MAP3K5: variants seen among roughly 807,000 people sequenced by gnomAD.
The protein encoded by MAP3K5 is ASK-1.
A neutral mutation model predicts 158.7 loss-of-function variants in MAP3K5; 56 were observed. That is an observed-to-expected ratio of 0.35 (90% confidence interval 0.28 to 0.44). The LOEUF (loss-of-function observed/expected upper bound fraction) is 0.44. Ranked by LOEUF, MAP3K5 falls within the 20% of genes least tolerant of loss-of-function variation. MAP3K5 has a pLI of 1.00. For missense variants in MAP3K5, 1,294 were observed against 1,674.8 expected (o/e 0.77, Z 3.97); for synonymous variants, 579 against 601.7 (o/e 0.96, Z 0.55).
intron 14 of MAP3K5, chr6:136,629,375 TAACATTA>T (rs1200401537): frequency 6.6e-6 from 1 of 152,136 alleles, no homozygotes; most frequent in Non-Finnish European, 1.5e-5. Context: ...TAACTACTAA[TAACATTA>T]ATAGAATGCC....
At chr6:136,573,607 G>A (rs1774466520) in intron 25 of MAP3K5, among the ~76,000 whole-genome samples, 1 of 152,188 alleles carries the variant, frequency 6.6e-6, no homozygotes, top group Non-Finnish European at 1.5e-5. Context: ...GATTCATGGA[G>A]GCTGAAGGGC....
chr6:136,749,170 C>G (rs1381050042), intron 1 of MAP3K5, among the ~76,000 whole-genome samples: 1 of 151,970 alleles, frequency 6.6e-6, no homozygotes, highest in Admixed American at 6.6e-5. Context: ...GTCAGGAGTT[C>G]GAGACCAGCC....
At chr6:136,756,213 G>A (rs1783473875) in intron 1 of MAP3K5, among the ~76,000 whole-genome samples, 1 of 151,988 alleles carries the variant, frequency 6.6e-6, no homozygotes. Flanking sequence ...AGCTACTGGA[G>A]AGACTGAGGT....
chr6:136,772,543 T>C (rs1033312945), intron 1 of MAP3K5, among the ~76,000 whole-genome samples: 1 of 152,066 alleles, frequency 6.6e-6, no homozygotes, highest in Non-Finnish European at 1.5e-5. Context: ...GCACATACAG[T>C]AGTGAGACAA....
At chr6:136,566,324 T>C (rs1322647364) in intron 26 of MAP3K5, among the ~76,000 whole-genome samples, 2 of 152,214 alleles carry the variant, frequency 1.3e-5, no homozygotes, top group African/African-American at 4.8e-5. Context: ...ACTATCTGCG[T>C]AATTCTAACC....
chr6:136,739,274 T>C (rs188951784), intron 1 of MAP3K5, among the ~76,000 whole-genome samples: 1 of 152,314 alleles, frequency 6.6e-6, no homozygotes, highest in Non-Finnish European at 1.5e-5. Context: ...GGGGTGTAGC[T>C]GGCTGGTGTC....
chr6:136,719,945 A>G (rs926205721), intron 2 of MAP3K5, among the ~76,000 whole-genome samples: 20 of 152,216 alleles, frequency 1.3e-4, no homozygotes, highest in Non-Finnish European at 2.9e-4. Context: ...ACATCGAGAC[A>G]GGTTGAATTT....
Position 136,567,805 on chromosome 6 carries a change from T to A in MAP3K5, c.3587A>T (p.Asp1196Val), listed in dbSNP as rs771626007. The change falls in exon 26 of 30, where the codon GAT becomes GTT. Residue 1196 changes from aspartate to valine, a missense_variant. This residue lies in a region of MAP3K5 where 199 missense variants were observed against 220.3 expected (regional missense o/e 0.90). Transcript: ENST00000359015. ...ATTTGAAGGCTGTTCCTCATGGTCA[T>A]CTTCTACATCCAAGTCTTCTTGATC... ...TADQEDLDVE[D>V]DHEEQPSNQT... 2.5e-6 allele frequency: 4 copies of A among 1,614,098 alleles called. No homozygotes were observed. Among genetic ancestry groups the A allele is most frequent in the Admixed American group, 3.3e-5 (2 of 59,996 alleles).
chr6:136,656,240 T>C (rs1353241395), intron 10 of MAP3K5, 67 bp downstream of exon 10: 1 of 1,456,788 alleles, frequency 6.9e-7, no homozygotes, highest in South Asian at 1.1e-5. Context: ...CAAGCACTGA[T>C]ACAATCACAG....
intron 1 of MAP3K5, among the ~76,000 whole-genome samples, chr6:136,766,888 CAG>C (rs1463613579): frequency 3.9e-5 from 6 of 152,082 alleles, no homozygotes; most frequent in African/African-American, 1.4e-4. Flanking sequence ...TTACAAAAAT[CAG>C]AGTCTTTACA....
intron 12 of MAP3K5, among the ~76,000 whole-genome samples, chr6:136,641,203 TCTTG>T (rs1777915454): frequency 6.6e-6 from 1 of 152,224 alleles, no homozygotes; most frequent in Admixed American, 6.5e-5. Context: ...CAGTCCATCA[TCTTG>T]CTTGTTTCTG....
At chr6:136,775,217 A>G (rs1460239598) in intron 1 of MAP3K5, among the ~76,000 whole-genome samples, 4 of 152,254 alleles carry the variant, frequency 2.6e-5, no homozygotes, top group Non-Finnish European at 4.4e-5. Context: ...GGTCAAGCTT[A>G]TAAGCAACTA....
chr6:136,601,687 T>C lies in MAP3K5; in HGVS notation c.2857+115A>G, dbSNP rs1179638611. Reference sequence around the variant, plus strand: ...CCTGAGAACACTGTGCTAATATTTATACCAATTTCCAGTGATATCTGTAAA... The same window carrying C: ...CCTGAGAACACTGTGCTAATATTTACACCAATTTCCAGTGATATCTGTAAA... On this transcript the variant is annotated intron_variant, in intron 20 of 29. Coordinates refer to ENST00000359015, the MANE Select transcript of MAP3K5 (RefSeq NM_005923.4). 3 of 889,444 alleles carry C rather than the reference T, an allele frequency of 3.4e-6. No homozygotes were observed. The East Asian group carries it at 7.7e-5, about 23-fold the overall frequency. The allele number at this position is 889,444 out of a possible 1,614,324, so 55.1% of individuals were successfully genotyped here.
chr6:136,567,687 C>T lies in MAP3K5; in HGVS notation c.3705G>A (p.Gln1235=), dbSNP rs1319515419. ...GTACATTCAGTGACCGGTGAGCACT[C>T]TGGGAATCATGAGACACAGTAGAAC... ...TLSSTVSHDS[Q]SAHRSLNVQL... is the part of the protein sequence containing the mutation. Residue 1235 remains glutamine (Q), a synonymous_variant, in exon 26 of 30, where the codon CAG becomes CAA. Transcript: ENST00000359015. 10 of 1,614,184 alleles carry T rather than the reference C, an allele frequency of 6.2e-6. No individual in the cohort carries two copies. The highest frequency in any genetic ancestry group is 3.3e-4 in the Middle Eastern group (2 of 6,060).
At chr6:136,668,361 G>A (rs185678793) in intron 8 of MAP3K5, among the ~76,000 whole-genome samples, 1 of 152,216 alleles carries the variant, frequency 6.6e-6, no homozygotes, top group East Asian at 1.9e-4. Flanking sequence ...CCTTGCCTGA[G>A]TGACAGAGTG....
chr6:136,568,942 C>A (rs1159860720), intron 25 of MAP3K5, among the ~76,000 whole-genome samples: 2 of 150,664 alleles, frequency 1.3e-5, no homozygotes, highest in Non-Finnish European at 2.9e-5. Flanking sequence ...TGAAGAACCA[C>A]CTACCCCCAG....
chr6:136,687,623 A>G (rs1266655165), intron 7 of MAP3K5, among the ~76,000 whole-genome samples: 2 of 152,232 alleles, frequency 1.3e-5, no homozygotes, highest in Non-Finnish European at 2.9e-5. Flanking sequence ...ATATGAACAG[A>G]CACTTCTCAA....
intron 1 of MAP3K5, among the ~76,000 whole-genome samples, chr6:136,742,245 C>T (rs1782739822): frequency 6.6e-6 from 1 of 152,094 alleles, no homozygotes; most frequent in African/African-American, 2.4e-5. Flanking sequence ...CTCTAAAGCT[C>T]TATAACAAGA....
intron 14 of MAP3K5, among the ~76,000 whole-genome samples, chr6:136,624,697 G>A (rs1038262717): frequency 4.0e-5 from 6 of 151,826 alleles, no homozygotes; most frequent in Admixed American, 3.9e-4. Flanking sequence ...ATGACCATGG[G>A]AATTACACAG....
Sources: gnomAD v4.1 joint callset for allele counts (sites outside exome capture counted in the v4.1 genomes callset) on GRCh38, gnomAD v4.1.1 for gene constraint, gnomAD v4.1.1 regional missense constraint, MANE v1.5 for transcripts, NCBI Gene and HGNC (gene_info 2026-07-23, HGNC 2026-07-21) for gene names.